Variants in PHACTR3 observed in about 807,000 individuals in gnomAD.
PHACTR3 encodes protein phosphatase 1, regulatory subunit 123.
A neutral mutation model predicts 66.8 loss-of-function variants in PHACTR3; 16 were observed. The ratio of observed to expected loss-of-function variants is 0.24; its 90% CI spans 0.16 to 0.36. PHACTR3 has a LOEUF of 0.36. Ranked by LOEUF, PHACTR3 falls within the 10% of genes least tolerant of loss-of-function variation. The pLI is 1.00. For missense variants in PHACTR3, 647 were observed against 719.9 expected, an observed-to-expected ratio of 0.90 and a Z score of 1.16; for synonymous variants, 323 against 292.1, an observed-to-expected ratio of 1.11 and a Z score of -1.08.
rs1669775343 is a variant in PHACTR3 at position 59,784,749 on chromosome 20, T to A, written c.1174+10259T>A. ...CTGGCTATGTGGCCTTGGGCTACAC[T>A]GTGGGACGTTGTCATCTGCAAAATA... On this transcript the variant is annotated intron_variant, in intron 7 of 12. Coordinates refer to ENST00000371015, the MANE Select transcript of PHACTR3 (RefSeq NM_080672.5). Among the ~76,000 whole-genome samples, 5 of 152,212 alleles carry A rather than the reference T, an allele frequency of 3.3e-5. No homozygotes were observed. The South Asian group carries it at 1.0e-3, about 32-fold the overall frequency.
At chr20:59,749,091 C>G (rs748345946) in intron 3 of PHACTR3, among the ~76,000 whole-genome samples, 1 of 152,256 alleles carries the variant, frequency 6.6e-6, no homozygotes, top group Non-Finnish European at 1.5e-5. Context: ...TGTCAAGTCC[C>G]GTGGCACTCA....
At chr20:59,784,776 G>C (rs1258727095) in intron 7 of PHACTR3, among the ~76,000 whole-genome samples, 1 of 152,214 alleles carries the variant, frequency 6.6e-6, no homozygotes, top group Non-Finnish European at 1.5e-5. Flanking sequence ...TGCAAAATAG[G>C]AAAACTAAAT....
At position 59,622,981 on chromosome 20, in the gene PHACTR3, CAAAAAAA is replaced by C. The variant is rs71183177; in HGVS notation, c.118+17863_118+17869del. Among the ~76,000 whole-genome samples, 3 of 32,216 alleles carry C rather than the reference CAAAAAAA, an allele frequency of 9.3e-5. 1 individual carries two copies. Among genetic ancestry groups the C allele is most frequent in the South Asian group, 1.9e-3 (1 of 538 alleles). The allele number at this position is 32,216 out of a possible 152,430, so 21.1% of individuals were successfully genotyped here. A position where few individuals can be genotyped will look rare whatever the true frequency, so the allele number is the denominator to read the frequency against. On this transcript the variant is annotated intron_variant, in intron 1 of 12. Transcript: ENST00000371015. Reference sequence around the variant, plus strand: ...ATTCTAATTTTACAGCAGCTTTAACCAAAAAAAAAAAAAAAAAAAACCCAAATCTTCA... The same window carrying C: ...ATTCTAATTTTACAGCAGCTTTAACCAAAAAAAAAAAAACCCAAATCTTCA...
chr20:59,712,001 G>A (rs1214561288), intron 1 of PHACTR3, among the ~76,000 whole-genome samples: 2 of 151,824 alleles, frequency 1.3e-5, no homozygotes, highest in East Asian at 3.9e-4. Flanking sequence ...TTCATTGATT[G>A]TGAATATATT....
intron 1 of PHACTR3, among the ~76,000 whole-genome samples, chr20:59,617,510 A>G (rs2146357339): frequency 6.6e-6 from 1 of 151,634 alleles, no homozygotes; most frequent in South Asian, 2.1e-4. Context: ...AGTGTAGAGC[A>G]GCTATTTTCT....
At chr20:59,612,155 A>G (rs1488334414) in intron 1 of PHACTR3, among the ~76,000 whole-genome samples, 1 of 152,130 alleles carries the variant, frequency 6.6e-6, no homozygotes, top group Admixed American at 6.5e-5. Flanking sequence ...AAAAACTAGT[A>G]TATTAGTTTG....
At chr20:59,764,590 G>T (rs1057041477) in intron 4 of PHACTR3, among the ~76,000 whole-genome samples, 4 of 152,170 alleles carry the variant, frequency 2.6e-5, no homozygotes, top group Admixed American at 2.0e-4. Context: ...TAGGTCAAAC[G>T]TATGGAGGAA....
intron 1 of PHACTR3, among the ~76,000 whole-genome samples, chr20:59,668,198 A>G (rs2036061469): frequency 6.6e-6 from 1 of 152,110 alleles, no homozygotes; most frequent in Non-Finnish European, 1.5e-5. Flanking sequence ...GTACGCCTGT[A>G]CAGGGTTAGA....
At chr20:59,673,872 C>T (rs7351892) in intron 1 of PHACTR3, among the ~76,000 whole-genome samples, 1 of 152,146 alleles carries the variant, frequency 6.6e-6, no homozygotes, top group South Asian at 2.1e-4. Context: ...CCTTGGTTTC[C>T]TCACCTGACC....
intron 1 of PHACTR3, among the ~76,000 whole-genome samples, chr20:59,580,102 C>T (rs1395839505): frequency 6.6e-6 from 1 of 152,066 alleles, no homozygotes; most frequent in Non-Finnish European, 1.5e-5. Context: ...CAGAATGGGG[C>T]TGGCACTTAA....
At chr20:59,840,518 A>C in intron 10 of PHACTR3, 88 bp downstream of exon 10, 1 of 1,564,510 alleles carries the variant, frequency 6.4e-7, no homozygotes, top group Admixed American at 1.9e-5. Flanking sequence ...AATGCTAGGT[A>C]TCACTCTGTG....
chr20:59,725,375 TGCCCACCGAGGCTGTGA>T (rs1206387902), intron 1 of PHACTR3, among the ~76,000 whole-genome samples: 1 of 151,872 alleles, frequency 6.6e-6, no homozygotes, highest in Non-Finnish European at 1.5e-5. Context: ...GTGGGCTGTG[TGCCCACCGAGGCTGTGA>T]GCCCAGATCG....
upstream of PHACTR3, among the ~76,000 whole-genome samples, chr20:59,599,973 C>A (rs2146323995): frequency 6.6e-6 from 1 of 152,324 alleles, no homozygotes; most frequent in South Asian, 2.1e-4. Flanking sequence ...GCCTCAGTGG[C>A]TTTCCACCAT....
At chr20:59,847,001 G>A in intron 12 of PHACTR3, 114 bp from the exon 13 acceptor site, 1 of 697,234 alleles carries the variant, frequency 1.4e-6, no homozygotes, top group Non-Finnish European at 2.5e-6. Context: ...TTTTACATAT[G>A]GGACTTCTGA....
At chr20:59,709,848 A>G (rs1370122248) in intron 1 of PHACTR3, among the ~76,000 whole-genome samples, 1 of 152,044 alleles carries the variant, frequency 6.6e-6, no homozygotes, top group African/African-American at 2.4e-5. Context: ...CTGCTGAGTC[A>G]GAGTCTCGGT....
chr20:59,767,359 C>T lies in PHACTR3; in HGVS notation c.715C>T (p.Pro239Ser). The T allele has an allele frequency of 6.2e-7, 1 of 1,614,074 alleles. No homozygotes were observed. The highest frequency in any genetic ancestry group is 8.5e-7 in the Non-Finnish European group (1 of 1,180,042). The change falls in exon 5 of 13, where the codon CCC becomes TCC. Residue 239 changes from proline to serine, a missense_variant. Pro to Ser is a moderately conservative substitution (Grantham distance 74, BLOSUM62 -1). Around this residue, in one of 2 missense-constraint regions of PHACTR3, gnomAD observed 577 missense variants for 571.1 expected, o/e 1.01. Transcript: ENST00000371015. ...PSPPLLPTPPPKASSKTTKNV... is the reference protein window; with the variant it reads ...PSPPLLPTPPSKASSKTTKNV... ...CCCCCCACTGCTGCCCACTCCGCCA[C>T]CCAAGGCAAGCTCCAAAACCACAAA...
At chr20:59,588,185 C>T (rs1374252632) in intron 1 of PHACTR3, among the ~76,000 whole-genome samples, 3 of 152,196 alleles carry the variant, frequency 2.0e-5, no homozygotes, top group Admixed American at 6.5e-5. Flanking sequence ...CTCACTTAAA[C>T]AGCACATAAA....
chr20:59,726,150 A>G (rs552905810), intron 1 of PHACTR3, among the ~76,000 whole-genome samples: 7 of 152,344 alleles, frequency 4.6e-5, no homozygotes, highest in African/African-American at 1.7e-4. Flanking sequence ...GATCCTTGAT[A>G]AATTTTTAAT....
At chr20:59,598,321 T>C (rs1600885029) in intron 1 of PHACTR3, among the ~76,000 whole-genome samples, 1 of 152,236 alleles carries the variant, frequency 6.6e-6, no homozygotes, top group African/African-American at 2.4e-5. Context: ...GAAAGCGTAT[T>C]GAGGGCTTCT....
Sources: allele counts gnomAD v4.1 joint callset (sites outside exome capture counted in the v4.1 genomes callset), GRCh38; gene constraint gnomAD v4.1.1; regional missense constraint gnomAD v4.1.1; transcripts MANE v1.5; gene names NCBI Gene and HGNC (gene_info 2026-07-23, HGNC 2026-07-21).